SFSWAP: variants seen among roughly 807,000 people sequenced by gnomAD.
The protein encoded by SFSWAP is splicing factor SWAP.
SFSWAP carries 17 observed loss-of-function variants against 100.7 expected under a neutral mutation model. The ratio of observed to expected loss-of-function variants is 0.17; its 90% CI spans 0.12 to 0.25. The LOEUF (loss-of-function observed/expected upper bound fraction) is 0.25. Among genes scored for constraint, SFSWAP ranks in the 10% least tolerant of loss-of-function variants. The probability of loss-of-function intolerance (pLI) is 1.00; values close to 1 mark genes in which losing one functional copy is unlikely to be tolerated. For missense variants in SFSWAP, 1,005 were observed against 1,262.6 expected, an observed-to-expected ratio of 0.80 and a Z score of 3.09; for synonymous variants, 504 against 510.1, an observed-to-expected ratio of 0.99 and a Z score of 0.16.
chr12:131,721,969 T>G (rs1190748802), intron 4 of SFSWAP, among the ~76,000 whole-genome samples: 1 of 152,244 alleles, frequency 6.6e-6, no homozygotes, highest in Non-Finnish European at 1.5e-5. Flanking sequence ...TAATTCATTG[T>G]GTAAATTATA....
At chr12:131,738,593 C>T (rs1034303512) in intron 7 of SFSWAP, among the ~76,000 whole-genome samples, 2 of 152,096 alleles carry the variant, frequency 1.3e-5, no homozygotes, top group Non-Finnish European at 2.9e-5. Context: ...CTAAAGAATT[C>T]AGTTCTGAAA....
rs1432298149 is a variant in SFSWAP, at chr12:131,786,549, G to T, written c.2495G>T (p.Ser832Ile). ...AGTGTGCCCACTGCCTACCGCGTGA[G>T]CCGCAGCCCTGGGGCCAGTAGGAAG... ...ERSVPTAYRV[S>I]RSPGASRKRT... Residue 832 changes from serine (S) to isoleucine (I), a missense_variant, in exon 15 of 18, where the codon AGC (serine) becomes ATC (isoleucine). Coordinates refer to ENST00000261674, the MANE Select transcript of SFSWAP (RefSeq NM_004592.4). 2 of 1,588,272 alleles carry T rather than the reference G, an allele frequency of 1.3e-6. No individual in the cohort carries two copies. The highest frequency in any genetic ancestry group is 3.6e-5 in the Admixed American group (2 of 55,864).
At chr12:131,758,388 A>G (rs1179657957) in intron 11 of SFSWAP, among the ~76,000 whole-genome samples, 2 of 152,202 alleles carry the variant, frequency 1.3e-5, no homozygotes, top group African/African-American at 2.4e-5. Flanking sequence ...AGATCTACTC[A>G]ATATCTGACA....
intron 16 of SFSWAP, among the ~76,000 whole-genome samples, 160 bp from the exon 17 acceptor site, chr12:131,798,877 G>C (rs1349760132): frequency 6.6e-6 from 1 of 151,804 alleles, no homozygotes; most frequent in African/African-American, 2.4e-5. Context: ...GTGACAGAGT[G>C]AAACTCTTGT....
At chr12:131,721,474 T>A (rs1253095630) in intron 4 of SFSWAP, among the ~76,000 whole-genome samples, 1 of 152,224 alleles carries the variant, frequency 6.6e-6, no homozygotes, top group Non-Finnish European at 1.5e-5. Context: ...CACATTAACA[T>A]GAAGCTTTAA....
intron 9 of SFSWAP, 30 bp downstream of exon 9, chr12:131,754,529 T>C: frequency 6.8e-7 from 1 of 1,474,268 alleles, no homozygotes; most frequent in African/African-American, 1.4e-5. Flanking sequence ...ATGTTAGGTA[T>C]ATGGCATTTG....
chr12:131,726,475 G>T (rs191295186), intron 5 of SFSWAP, among the ~76,000 whole-genome samples: 237 of 152,338 alleles, frequency 1.6e-3, no homozygotes, highest in African/African-American at 5.5e-3. Context: ...CTCCCAGAGT[G>T]CTGGGATTAC....
chr12:131,731,706 C>T (rs910488347), intron 7 of SFSWAP, among the ~76,000 whole-genome samples: 2 of 152,074 alleles, frequency 1.3e-5, no homozygotes, highest in African/African-American at 4.8e-5. Context: ...AATATTGTTA[C>T]GTTCATTATA....
At chr12:131,773,755 G>A (rs1402965947) in intron 13 of SFSWAP, among the ~76,000 whole-genome samples, 1 of 152,226 alleles carries the variant, frequency 6.6e-6, no homozygotes, top group East Asian at 1.9e-4. Flanking sequence ...CTGTGTGCTA[G>A]GTGCTGAGGT....
intron 11 of SFSWAP, among the ~76,000 whole-genome samples, chr12:131,763,629 G>A (rs1882856711): frequency 6.6e-6 from 1 of 152,052 alleles, no homozygotes; most frequent in Non-Finnish European, 1.5e-5. Flanking sequence ...TGTGGAAAAT[G>A]GTCTAACATA....
At chr12:131,727,173 T>A (rs1879055501) in intron 6 of SFSWAP, 121 bp downstream of exon 6, 1 of 663,024 alleles carries the variant, frequency 1.5e-6, no homozygotes, top group East Asian at 3.0e-5. Flanking sequence ...TTTATCATCA[T>A]TGAGGTGTAT....
intron 15 of SFSWAP, among the ~76,000 whole-genome samples, chr12:131,790,848 G>T (rs1024226408): frequency 6.6e-6 from 1 of 152,118 alleles, no homozygotes; most frequent in African/African-American, 2.4e-5. Context: ...GCTAAGCGAA[G>T]GATGCATAAC....
chr12:131,733,470 C>T lies in SFSWAP; in HGVS notation c.1081+5042C>T, dbSNP rs372526824. Among the ~76,000 whole-genome samples, 59 of 152,246 alleles carry T rather than the reference C, an allele frequency of 3.9e-4. No individual in the cohort carries two copies. The highest frequency in any genetic ancestry group is 1.2e-3 in the African/African-American group (49 of 41,544). ...ATGCATCCTGAGAGCCAGGCAGCGA[C>T]GCTGCCTGCACTGCCCCACCGCTCA... On this transcript the variant is annotated intron_variant, in intron 7 of 17. Coordinates refer to ENST00000261674, the MANE Select transcript of SFSWAP (RefSeq NM_004592.4). This position sits in a 1 kb window ranked among gnomAD's most constrained non-coding sequence, Gnocchi z 5.1.
chr12:131,776,288 G>C (rs1045556705), intron 13 of SFSWAP, among the ~76,000 whole-genome samples: 10 of 152,130 alleles, frequency 6.6e-5, no homozygotes, highest in African/African-American at 2.4e-4. Flanking sequence ...GCGGCCATCA[G>C]ATCCCAAGGA....
At chr12:131,756,381 G>C (rs1882158372) in intron 10 of SFSWAP, 92 bp from the exon 11 acceptor site, 1 of 1,107,550 alleles carries the variant, frequency 9.0e-7, no homozygotes, top group South Asian at 1.4e-5. Flanking sequence ...AATTGCCGTT[G>C]TCCAGTGAAA....
Position 131,753,156 on chromosome 12 carries a change from T to C in SFSWAP, c.1115T>C (p.Met372Thr), listed in dbSNP as rs1377697693. ...GCAGCCATGTATTACAGCTACTACA[T>C]GCTACCGGACGGCACTTACTGCCTG... The part of the protein sequence containing the change: ...TVAAMYYSYY[M>T]LPDGTYCLAP... The change falls in exon 8 of 18, where the codon ATG becomes ACG. Residue 372 changes from methionine (M) to threonine (T), a missense_variant. Transcript: ENST00000261674. 3 of 1,614,042 alleles carry C rather than the reference T, an allele frequency of 1.9e-6. No individual in the cohort carries two copies. The highest frequency in any genetic ancestry group is 2.5e-6 in the Non-Finnish European group (3 of 1,180,030).
At chr12:131,764,809 T>C in intron 12 of SFSWAP, 123 bp downstream of exon 12, 1 of 685,546 alleles carries the variant, frequency 1.5e-6, no homozygotes, top group East Asian at 2.7e-5. Flanking sequence ...ATCGACCTAT[T>C]TGGGAGTTGT....
At chr12:131,715,945 C>G (rs182967657) in intron 3 of SFSWAP, among the ~76,000 whole-genome samples, 165 of 152,348 alleles carry the variant, frequency 1.1e-3, no homozygotes, top group African/African-American at 3.8e-3. Context: ...AGTGATCCTA[C>G]TGCCTTGGCC....
intron 7 of SFSWAP, among the ~76,000 whole-genome samples, chr12:131,752,903 A>G (rs528841347): frequency 1.3e-5 from 2 of 152,314 alleles, no homozygotes; most frequent in South Asian, 4.1e-4. Context: ...TTCGCTTTCC[A>G]TCTGTCTTTG....
Sources: allele counts gnomAD v4.1 joint callset (sites outside exome capture counted in the v4.1 genomes callset), GRCh38; gene constraint gnomAD v4.1.1; non-coding constraint Gnocchi (gnomAD v3.1); transcripts MANE v1.5; gene names NCBI Gene and HGNC (gene_info 2026-07-23, HGNC 2026-07-21).